CLVS1: variants seen among roughly 807,000 people sequenced by gnomAD.
CLVS1 encodes clavesin 1.
Under a neutral mutation model 33.1 loss-of-function variants are expected in CLVS1, and 10 were observed. The observed-to-expected ratio is 0.30, with a 90% CI of 0.19 to 0.51. The LOEUF is 0.51. Among genes scored for constraint, CLVS1 ranks in the 20% least tolerant of loss-of-function variants. The probability of loss-of-function intolerance (pLI) is 0.97; values close to 1 mark genes in which losing one functional copy is unlikely to be tolerated. For missense variants in CLVS1, 343 were observed against 433.4 expected, an observed-to-expected ratio of 0.79 and a Z score of 1.85; for synonymous variants, 163 against 166.1, an observed-to-expected ratio of 0.98 and a Z score of 0.14.
At chr8:61,025,469 C>T in the CLVS1 span, among the ~76,000 whole-genome samples, 1 of 152,170 alleles carries the variant, frequency 6.6e-6, no homozygotes, top group Non-Finnish European at 1.5e-5. Context: ...ACTGCATTTA[C>T]CAAAGAAAAT....
In CLVS1 at chr8:61,357,494, C is replaced by CTTTTTTTTT. The variant is rs1167743712; in HGVS notation, c.456-19091_456-19083dup. Reference sequence around the variant, plus strand: ...CTTCTTTTTCTTTCCTTTTTCTTTTCTTTTTTTTTTTTTTTTTTTTTTTTT... The same window carrying CTTTTTTTTT: ...CTTCTTTTTCTTTCCTTTTTCTTTTCTTTTTTTTTTTTTTTTTTTTTTTTTTTTTTTTTT... On this transcript the variant is annotated intron_variant, in intron 2 of 5. Transcript: ENST00000325897. Among the ~76,000 whole-genome samples, 43 of 25,806 alleles carry CTTTTTTTTT rather than the reference C, an allele frequency of 1.7e-3. 3 individuals carry two copies. Among genetic ancestry groups the CTTTTTTTTT allele is most frequent in the African/African-American group, 2.5e-3 (25 of 10,088 alleles). The allele number at this position is 25,806 out of a possible 152,430, so 16.9% of individuals were successfully genotyped here.
At chr8:61,401,592 T>C (rs1814757498) in intron 3 of CLVS1, among the ~76,000 whole-genome samples, 1 of 152,166 alleles carries the variant, frequency 6.6e-6, no homozygotes, top group African/African-American at 2.4e-5. Flanking sequence ...TCCATGCTCA[T>C]GGATAGGAAG....
At chr8:61,165,318 G>C (rs1413902668) in intron 2 of CLVS1, among the ~76,000 whole-genome samples, 2 of 152,222 alleles carry the variant, frequency 1.3e-5, no homozygotes, top group Admixed American at 1.3e-4. Flanking sequence ...GAAGAGTGCA[G>C]TTGCAAGATT....
At chr8:61,217,746 G>A (rs1355151186) in intron 2 of CLVS1, among the ~76,000 whole-genome samples, 3 of 152,176 alleles carry the variant, frequency 2.0e-5, no homozygotes, top group African/African-American at 7.2e-5. Flanking sequence ...GAAAATATTT[G>A]TAAACTACTT....
In CLVS1 at chr8:61,166,429, C is replaced by T. The variant is rs191563570; in HGVS notation, c.-152+34569C>T. 1.1e-4 allele frequency among the ~76,000 whole-genome samples: 16 copies of T among 152,162 alleles called. No individual in the cohort carries two copies. In the East Asian group the frequency reaches 2.5e-3, roughly 24 times the overall value. Reference sequence around the variant, plus strand: ...GATTACACGTGTGAGCCACCGTGCCCGACCTGAAAGCCGTTATTTATTTTG... The same window carrying T: ...GATTACACGTGTGAGCCACCGTGCCTGACCTGAAAGCCGTTATTTATTTTG... On this transcript the variant is annotated intron_variant, in intron 2 of 2. Transcript: ENST00000522621.
At chr8:61,174,515 A>C (rs1306196393) in intron 2 of CLVS1, among the ~76,000 whole-genome samples, 1 of 152,224 alleles carries the variant, frequency 6.6e-6, no homozygotes, top group Non-Finnish European at 1.5e-5. Context: ...TAAGGAAAAA[A>C]TGATAATGTG....
chr8:61,220,413 G>A (rs1344326625), intron 2 of CLVS1, among the ~76,000 whole-genome samples: 1 of 152,136 alleles, frequency 6.6e-6, no homozygotes, highest in Non-Finnish European at 1.5e-5. Flanking sequence ...TACTGAATAG[G>A]AGATTCTTTT....
chr8:61,416,690 A>G (rs1489351873), intron 3 of CLVS1, among the ~76,000 whole-genome samples: 1 of 152,184 alleles, frequency 6.6e-6, no homozygotes. Context: ...AACATGTGCA[A>G]TCAATGGACA....
the CLVS1 span, chr8:60,966,463 G>A: frequency 4.5e-6 from 2 of 441,914 alleles, no homozygotes; most frequent in Admixed American, 2.6e-5. Context: ...TCATTCTGGA[G>A]AACAAGGTAA....
chr8:61,437,442 G>A (rs1267849785), intron 3 of CLVS1, among the ~76,000 whole-genome samples: 1 of 152,150 alleles, frequency 6.6e-6, no homozygotes, highest in East Asian at 1.9e-4. Flanking sequence ...TTGCAGATAG[G>A]TTATTGATAG....
chr8:61,491,945 C>G (rs1804102719), intron 5 of CLVS1, among the ~76,000 whole-genome samples: 2 of 152,092 alleles, frequency 1.3e-5, no homozygotes, highest in Admixed American at 1.3e-4. Context: ...ACATGGGTCT[C>G]CTATCATGGG....
At chr8:60,969,989 C>G in the CLVS1 span, among the ~76,000 whole-genome samples, 1 of 151,916 alleles carries the variant, frequency 6.6e-6, no homozygotes, top group Admixed American at 6.6e-5. Flanking sequence ...TTGAGGGGGT[C>G]CTGGAACCCG....
intron 2 of CLVS1, among the ~76,000 whole-genome samples, chr8:61,137,551 T>C (rs895879035): frequency 1.3e-5 from 2 of 152,186 alleles, no homozygotes; most frequent in African/African-American, 2.4e-5. Flanking sequence ...AAGCCATCTA[T>C]TATACTTCCC....
intron 2 of CLVS1, among the ~76,000 whole-genome samples, chr8:61,232,045 T>TG (rs1808456624): frequency 7.8e-5 from 10 of 127,430 alleles, no homozygotes; most frequent in Non-Finnish European, 1.2e-4. Context: ...TTTTTTTTTT[T>TG]TTTTTGTGAG....
the CLVS1 span, among the ~76,000 whole-genome samples, chr8:61,039,408 C>T: frequency 3.3e-5 from 5 of 152,230 alleles, no homozygotes; most frequent in Non-Finnish European, 5.9e-5. Context: ...TTCTGTGGCT[C>T]ACTACCTGTC....
At chr8:61,435,133 T>G (rs764911354) in intron 3 of CLVS1, among the ~76,000 whole-genome samples, 34 of 152,192 alleles carry the variant, frequency 2.2e-4, no homozygotes, top group Non-Finnish European at 4.4e-4. Flanking sequence ...AGCTCACTCC[T>G]TAATACGAAA....
chr8:61,003,085 G>A, the CLVS1 span, among the ~76,000 whole-genome samples: 2 of 152,126 alleles, frequency 1.3e-5, no homozygotes, highest in African/African-American at 2.4e-5. Flanking sequence ...TAGAGAGAGC[G>A]GTTTCTGAGA....
At chr8:61,458,041 T>C (rs1250712140) in intron 4 of CLVS1, among the ~76,000 whole-genome samples, 1 of 152,248 alleles carries the variant, frequency 6.6e-6, no homozygotes, top group Non-Finnish European at 1.5e-5. Context: ...AGGAGATGAC[T>C]GTATGTGTAA....
At chr8:61,449,424 T>C (rs1563557698) in intron 3 of CLVS1, among the ~76,000 whole-genome samples, 1 of 152,230 alleles carries the variant, frequency 6.6e-6, no homozygotes, top group Non-Finnish European at 1.5e-5. Flanking sequence ...ATAAAAGTTC[T>C]GGCTCTCTAC....
Sources: allele counts gnomAD v4.1 joint callset (sites outside exome capture counted in the v4.1 genomes callset), GRCh38; gene constraint gnomAD v4.1.1; transcripts MANE v1.5; gene names NCBI Gene and HGNC (gene_info 2026-07-23, HGNC 2026-07-21).